SPAG16: variants seen among roughly 807,000 people sequenced by gnomAD.
SPAG16 encodes the protein sperm-associated antigen 16 protein.
Under a neutral mutation model 80.4 loss-of-function variants are expected in SPAG16, and 86 were observed. That is an observed-to-expected ratio of 1.07 (90% CI 0.90 to 1.28). SPAG16 has a LOEUF of 1.28. SPAG16 is among the 50% of genes most tolerant of loss of function. The probability of loss-of-function intolerance (pLI) is 0.00; values close to 1 mark genes in which losing one functional copy is unlikely to be tolerated. For synonymous variants in SPAG16, 294 were observed against 265.9 expected (o/e 1.11, Z -1.03); for missense variants, 870 against 765.3 (o/e 1.14, Z -1.61).
At chr2:214,366,954 C>A (rs1220433207) in intron 15 of SPAG16, among the ~76,000 whole-genome samples, 1 of 152,118 alleles carries the variant, frequency 6.6e-6, no homozygotes, top group African/African-American at 2.4e-5. Context: ...GCCTTAAACT[C>A]TGAAGCCCAA....
chr2:214,204,510 G>T (rs2058090360), intron 15 of SPAG16, among the ~76,000 whole-genome samples: 1 of 152,208 alleles, frequency 6.6e-6, no homozygotes, highest in Non-Finnish European at 1.5e-5. Context: ...AGGACTCTGT[G>T]CAGACACTAC....
At chr2:213,613,056 T>C (rs1042368261) in intron 10 of SPAG16, among the ~76,000 whole-genome samples, 1 of 152,216 alleles carries the variant, frequency 6.6e-6, no homozygotes, top group African/African-American at 2.4e-5. Context: ...GGGAAACCTA[T>C]TGGGTTTCTT....
intron 10 of SPAG16, among the ~76,000 whole-genome samples, chr2:213,537,896 G>A (rs1307663840): frequency 2.0e-5 from 3 of 152,140 alleles, no homozygotes; most frequent in Non-Finnish European, 4.4e-5. Context: ...CCTTTCTCAA[G>A]CTTACTCTTA....
At chr2:213,352,743 A>G (rs769479487) in intron 7 of SPAG16, among the ~76,000 whole-genome samples, 13 of 152,024 alleles carry the variant, frequency 8.6e-5, no homozygotes, top group Non-Finnish European at 1.9e-4. Context: ...CATTTGATCT[A>G]TGAGTTAGAG....
chr2:213,682,399 T>C (rs981303797), intron 10 of SPAG16, among the ~76,000 whole-genome samples: 2 of 152,194 alleles, frequency 1.3e-5, no homozygotes, highest in African/African-American at 4.8e-5. Context: ...CTTTATACTT[T>C]GAAAGCATTT....
rs1250465541 is a variant in SPAG16, at chr2:214,410,316, C to T, written c.*1C>T. On this transcript the variant is annotated 3_prime_UTR_variant, in exon 16 of 16. Transcript: ENST00000331683. The stretch of plus-strand genomic sequence containing the variant: ...CGGCACAGTTCGAACGTGGTCTTGA[C>T]CGTCAGCACATCCCGCTGCAGAGGG... The T allele has an allele frequency of 6.3e-7, 1 of 1,589,620 alleles. No individual in the cohort carries two copies. The highest frequency in any genetic ancestry group is 1.1e-5 in the South Asian group (1 of 89,992).
chr2:214,042,970 T>C (rs560107891), intron 13 of SPAG16, among the ~76,000 whole-genome samples: 51 of 152,228 alleles, frequency 3.4e-4, no homozygotes, highest in African/African-American at 1.1e-3. Context: ...CATAAAAGAA[T>C]GAATTTTCAA....
intron 10 of SPAG16, among the ~76,000 whole-genome samples, chr2:213,527,212 T>C (rs2075917315): frequency 6.6e-6 from 1 of 152,206 alleles, no homozygotes; most frequent in South Asian, 2.1e-4. Context: ...TCTGCCTGTT[T>C]TCAGCTTTAC....
intron 15 of SPAG16, among the ~76,000 whole-genome samples, chr2:214,162,500 T>C (rs931307544): frequency 2.0e-5 from 3 of 152,090 alleles, no homozygotes; most frequent in Non-Finnish European, 4.4e-5. Context: ...CAATAATGAC[T>C]ATAGAGGGAG....
intron 10 of SPAG16, among the ~76,000 whole-genome samples, chr2:213,540,768 G>A (rs567181889): frequency 6.6e-6 from 1 of 152,340 alleles, no homozygotes; most frequent in East Asian, 1.9e-4. Context: ...AGCCAATGCT[G>A]TGACTTAAAA....
intron 5 of SPAG16, among the ~76,000 whole-genome samples, chr2:213,330,154 C>T (rs1287631272): frequency 2.0e-5 from 3 of 152,298 alleles, no homozygotes; most frequent in Admixed American, 6.5e-5. Flanking sequence ...GGGGTGGGAG[C>T]CCCCACACAG....
chr2:213,606,258 C>T (rs944077967), intron 10 of SPAG16, among the ~76,000 whole-genome samples: 3 of 152,150 alleles, frequency 2.0e-5, no homozygotes, highest in Non-Finnish European at 2.9e-5. Flanking sequence ...CTGATGTGCA[C>T]ATTCGTGTAT....
chr2:214,388,548 C>A (rs1056160044), intron 15 of SPAG16, among the ~76,000 whole-genome samples: 1 of 152,152 alleles, frequency 6.6e-6, no homozygotes, highest in African/African-American at 2.4e-5. Context: ...TTATTAAAAT[C>A]ACCTTCATCA....
chr2:213,996,427 T>A (rs2124833477), intron 12 of SPAG16, among the ~76,000 whole-genome samples: 1 of 152,272 alleles, frequency 6.6e-6, no homozygotes, highest in African/African-American at 2.4e-5. Flanking sequence ...TTCTGTAAAA[T>A]CAGGACTGTC....
At position 214,410,310 on chromosome 2, in the gene SPAG16, T is replaced by G. The variant is rs763046937; in HGVS notation, c.1891T>G (p.Ser631Ala). The change falls in exon 16 of 16, where the codon TCT (serine) becomes GCT (alanine). Residue 631 changes from serine to alanine, a missense_variant. Coordinates refer to ENST00000331683, the MANE Select transcript of SPAG16 (RefSeq NM_024532.5). The stretch of plus-strand genomic sequence containing the variant: ...CTCTGACGGCACAGTTCGAACGTGG[T>G]CTTGACCGTCAGCACATCCCGCTGC... Reference protein sequence around the residue: ...GGSDGTVRTWS With the variant: ...GGSDGTVRTWA The G allele has an allele frequency of 6.3e-7, 1 of 1,592,744 alleles. No homozygotes were observed. Among genetic ancestry groups the G allele is most frequent in the African/African-American group, 1.3e-5 (1 of 74,572 alleles).
In SPAG16 at chr2:213,753,036, G is replaced by A. The variant is rs533934256; in HGVS notation, c.1071-109449G>A. 2.3e-3 allele frequency among the ~76,000 whole-genome samples: 345 copies of A among 151,940 alleles called. 3 individuals are homozygous for A. Among genetic ancestry groups the A allele is most frequent in the African/African-American group, 7.9e-3 (328 of 41,438 alleles). On this transcript the variant is annotated intron_variant, in intron 10 of 15. Coordinates refer to ENST00000331683, the MANE Select transcript of SPAG16 (RefSeq NM_024532.5). ...TTTCAATTTTTTTCTTTTTTGAGAC[G>A]GAGTCTCGCTCTGTCACCCAGGCTG...
intron 7 of SPAG16, among the ~76,000 whole-genome samples, chr2:213,351,478 G>T (rs564440229): frequency 1.1e-4 from 16 of 152,228 alleles, no homozygotes; most frequent in Admixed American, 1.0e-3. Flanking sequence ...TAGGGTTTTT[G>T]TGTAGGCTTA....
At position 213,624,816 on chromosome 2, in the gene SPAG16, A is replaced by C. The variant is rs555782951; in HGVS notation, c.1070+134726A>C. 4.6e-5 allele frequency among the ~76,000 whole-genome samples: 7 copies of C among 152,194 alleles called. No individual in the cohort carries two copies. The East Asian group carries it at 1.4e-3, about 29-fold the overall frequency. On this transcript the variant is annotated intron_variant, in intron 10 of 15. Transcript: ENST00000331683. Reference sequence around the variant, plus strand: ...CAGGTTTTTGTTTTTTTTGAGATGGAGTCTTGATCTGTTGCCCAGGCTGGA... The same window carrying C: ...CAGGTTTTTGTTTTTTTTGAGATGGCGTCTTGATCTGTTGCCCAGGCTGGA...
intron 10 of SPAG16, among the ~76,000 whole-genome samples, chr2:213,823,101 G>C (rs1003749982): frequency 1.3e-5 from 2 of 152,160 alleles, no homozygotes; most frequent in Non-Finnish European, 2.9e-5. Context: ...GCAATGGGTT[G>C]CTGGGTCAAA....
Sources: allele counts gnomAD v4.1 joint callset (sites outside exome capture counted in the v4.1 genomes callset), GRCh38; gene constraint gnomAD v4.1.1; transcripts MANE v1.5; gene names NCBI Gene and HGNC (gene_info 2026-07-23, HGNC 2026-07-21).